The following CRACD variants were observed in gnomAD, a reference collection of about 807,000 sequenced individuals.
CRACD encodes capping protein-inhibiting regulator of actin dynamics.
Under a neutral mutation model 106.8 loss-of-function variants are expected in CRACD, and 56 were observed. The observed-to-expected ratio is 0.52, with a 90% CI of 0.42 to 0.66. The LOEUF (loss-of-function observed/expected upper bound fraction) is 0.66, where lower values mean the gene tolerates loss of function less well. Among genes scored for constraint, CRACD ranks in the 30% least tolerant of loss-of-function variants. The probability of loss-of-function intolerance (pLI) is 0.00; values close to 1 mark genes in which losing one functional copy is unlikely to be tolerated. For missense variants in CRACD, 1,730 were observed against 1,623.2 expected (o/e 1.07, Z -1.13); for synonymous variants, 754 against 670.8 (o/e 1.12, Z -1.92).
chr4:56,239,122 G>A (rs542443072), intron 2 of CRACD, among the ~76,000 whole-genome samples: 1 of 152,036 alleles, frequency 6.6e-6, no homozygotes, highest in African/African-American at 2.4e-5. Flanking sequence ...GTGAAACTGC[G>A]TCTCTACTAA....
chr4:56,181,481 C>T (rs1024502968), intron 2 of CRACD, among the ~76,000 whole-genome samples: 2 of 152,132 alleles, frequency 1.3e-5, no homozygotes, highest in Non-Finnish European at 2.9e-5. Context: ...CTCCCTCCAC[C>T]CAGCACACAC....
chr4:56,095,587 G>A (rs542116916), intron 1 of CRACD, among the ~76,000 whole-genome samples: 25 of 152,270 alleles, frequency 1.6e-4, no homozygotes, highest in African/African-American at 6.0e-4. Context: ...GGTGGGCTGC[G>A]CCTACCTTGG....
intron 1 of CRACD, among the ~76,000 whole-genome samples, chr4:56,083,376 G>T (rs1733101457): frequency 6.6e-6 from 1 of 152,134 alleles, no homozygotes; most frequent in Non-Finnish European, 1.5e-5. Flanking sequence ...ATAAAAGGCT[G>T]CCAAAAGTGG....
At chr4:56,298,184 A>G in intron 3 of CRACD, 30 bp from the exon 4 acceptor site, 1 of 1,599,808 alleles carries the variant, frequency 6.3e-7, no homozygotes, top group Non-Finnish European at 8.5e-7. Flanking sequence ...TTTTATCCTA[A>G]TAAAATGAAG....
intron 1 of CRACD, among the ~76,000 whole-genome samples, chr4:56,088,314 G>C (rs1406333162): frequency 1.3e-5 from 2 of 151,984 alleles, no homozygotes; most frequent in African/African-American, 4.8e-5. Flanking sequence ...CCCTCAAGTA[G>C]GCCCTGGTGT....
Position 56,298,330 on chromosome 4 carries a change from G to A in CRACD, c.101G>A (p.Gly34Asp), listed in dbSNP as rs376578230. ...VQAMSQDNIL[G>D]KVKTLQQQLG... ...GCAATGTCACAGGACAACATCCTGG[G>A]CAAAGTCAAAACTCTTCAGGTAAGA... The change falls in exon 4 of 11, where the codon GGC (glycine) becomes GAC (aspartate). Residue 34 changes from glycine to aspartate, a missense_variant. Physicochemically the swap from Gly to Asp is moderately conservative, Grantham distance 94. Around this residue, in one of 5 missense-constraint regions of CRACD, gnomAD observed 1,620 missense variants for 1,481.6 expected, o/e 1.09. Coordinates refer to ENST00000682029, the MANE Select transcript of CRACD (RefSeq NM_001393381.1). The A allele has an allele frequency of 1.2e-6, 2 of 1,614,006 alleles. No individual in the cohort carries two copies. Among genetic ancestry groups the A allele is most frequent in the African/African-American group, 2.7e-5 (2 of 74,936 alleles).
chr4:56,057,340 G>C (rs1488517983), intron 1 of CRACD, among the ~76,000 whole-genome samples: 1 of 152,220 alleles, frequency 6.6e-6, no homozygotes, highest in Non-Finnish European at 1.5e-5. Flanking sequence ...TATGTTGCAA[G>C]ATCTGTGCCT....
At chr4:56,089,801 C>A (rs1324982901) in intron 1 of CRACD, among the ~76,000 whole-genome samples, 1 of 152,112 alleles carries the variant, frequency 6.6e-6, no homozygotes. Flanking sequence ...GCATGAGCCA[C>A]CGTGCCTGGC....
Position 56,316,648 on chromosome 4 carries a change from A to T in CRACD, c.3146A>T (p.Gln1049Leu). ...GCTTCCCCACCTCTGCCTGCCACTC[A>T]GCAAGAGAAACCTTCTCAAACACCC... ...KPASPPLPAT[Q>L]QEKPSQTPEA... Residue 1049 changes from glutamine (Q) to leucine (L), a missense_variant, in exon 8 of 11, where the codon CAG becomes CTG. Physicochemically the swap from Gln to Leu is moderately radical, Grantham distance 113. Coordinates refer to ENST00000682029, the MANE Select transcript of CRACD (RefSeq NM_001393381.1). 1 of 1,613,032 alleles carries T rather than the reference A, an allele frequency of 6.2e-7. No homozygotes were observed. The highest frequency in any genetic ancestry group is 8.5e-7 in the Non-Finnish European group (1 of 1,179,706).
intron 2 of CRACD, among the ~76,000 whole-genome samples, chr4:56,249,920 CCTGTGGGAGAGTTAACA>C (rs1740948840): frequency 6.6e-6 from 1 of 152,174 alleles, no homozygotes; most frequent in African/African-American, 2.4e-5. Context: ...TTGTAGGCAA[CCTGTGGGAGAGTTAACA>C]TTGTTTTCTC....
At chr4:56,100,251 G>A (rs376229418) in intron 1 of CRACD, among the ~76,000 whole-genome samples, 9 of 152,138 alleles carry the variant, frequency 5.9e-5, no homozygotes, top group Middle Eastern at 3.4e-3. Context: ...TTGCGGGGAC[G>A]GGGGGGAAGG....
chr4:56,299,501 C>G (rs1219592770), intron 4 of CRACD, among the ~76,000 whole-genome samples: 2 of 152,012 alleles, frequency 1.3e-5, no homozygotes, highest in African/African-American at 2.4e-5. Context: ...GAAACCCCAT[C>G]TCTACCAAAA....
intron 1 of CRACD, among the ~76,000 whole-genome samples, chr4:56,102,122 C>T (rs555056987): frequency 2.6e-4 from 39 of 152,192 alleles, no homozygotes; most frequent in African/African-American, 8.2e-4. Flanking sequence ...TAAGTTGGAG[C>T]GTGTACATTT....
rs577321906 is a variant in CRACD, at chr4:56,193,789, G to T, written c.-189+14359G>T. Among the ~76,000 whole-genome samples the T allele has an allele frequency of 2.0e-5, 3 of 152,080 alleles. No individual in the cohort carries two copies. The South Asian group carries it at 6.2e-4, about 32-fold the overall frequency. The stretch of plus-strand genomic sequence containing the variant: ...CTTATAGGCTATTATGTTTTATTTA[G>T]AAGATCAGGAAAAAAGTTTCTGTTT... On this transcript the variant is annotated intron_variant, in intron 2 of 10. Transcript: ENST00000682029.
intron 1 of CRACD, among the ~76,000 whole-genome samples, chr4:56,179,036 G>T (rs1287215917): frequency 5.9e-5 from 9 of 152,200 alleles, no homozygotes; most frequent in Admixed American, 5.9e-4. Context: ...AGTATTCAGG[G>T]ATGTGATTCT....
intron 2 of CRACD, among the ~76,000 whole-genome samples, chr4:56,188,711 C>CACACACACAGAGAGAG (rs1446016845): frequency 8.8e-6 from 1 of 113,174 alleles, no homozygotes; most frequent in African/African-American, 3.9e-5. Flanking sequence ...CACACACACA[C>CACACACACAGAGAGAG]AGAGAGAGAG....
chr4:56,104,335 A>G (rs1383005852), intron 1 of CRACD, among the ~76,000 whole-genome samples: 1 of 152,176 alleles, frequency 6.6e-6, no homozygotes, highest in African/African-American at 2.4e-5. Context: ...TCAAGCCTTC[A>G]GTGAGCCATG....
intron 2 of CRACD, among the ~76,000 whole-genome samples, chr4:56,237,720 A>G (rs1462268888): frequency 1.5e-5 from 1 of 65,316 alleles, no homozygotes; most frequent in Non-Finnish European, 3.1e-5. Context: ...AAGATATTAC[A>G]TACACACACA....
intron 1 of CRACD, among the ~76,000 whole-genome samples, chr4:56,121,880 G>A (rs1428749497): frequency 6.6e-6 from 1 of 152,208 alleles, no homozygotes; most frequent in East Asian, 1.9e-4. Flanking sequence ...GACAGTGATT[G>A]CAGCAATTGT....
Sources: gnomAD v4.1 joint callset for allele counts (sites outside exome capture counted in the v4.1 genomes callset) on GRCh38, gnomAD v4.1.1 for gene constraint, gnomAD v4.1.1 regional missense constraint, MANE v1.5 for transcripts, NCBI Gene and HGNC (gene_info 2026-07-23, HGNC 2026-07-21) for gene names.